The following CDK2AP1 variants were observed in gnomAD, a reference collection of about 807,000 sequenced individuals.
CDK2AP1 encodes the protein cyclin-dependent kinase 2-associated protein 1.
In CDK2AP1, 10 loss-of-function variants were observed where a neutral mutation model predicts 14.1. That is an observed-to-expected ratio of 0.71 (90% confidence interval 0.44 to 1.20). The LOEUF (loss-of-function observed/expected upper bound fraction) is 1.20. Among genes scored for constraint, CDK2AP1 ranks in the 50% most tolerant of loss-of-function variants. The pLI is 0.00. For synonymous variants in CDK2AP1, 59 were observed against 59.8 expected (o/e 0.99, Z 0.06); for missense variants, 102 against 149.9 (o/e 0.68, Z 1.67).
chr12:123,270,122 C>CA, intron 1 of CDK2AP1: 1 of 666,680 alleles, frequency 1.5e-6, no homozygotes, highest in Non-Finnish European at 1.9e-6. Context: ...AGGCTGGCAA[C>CA]ACCAGCCCCT....
At chr12:123,271,514 G>C in intron 1 of CDK2AP1, 50 bp downstream of exon 1, 1 of 977,888 alleles carries the variant, frequency 1.0e-6, no homozygotes, top group Non-Finnish European at 1.2e-6. Context: ...CCGGGCGCGC[G>C]GACCCCCAAC....
At chr12:123,264,131 C>A (rs1320064796) in intron 3 of CDK2AP1, among the ~76,000 whole-genome samples, 2 of 150,434 alleles carry the variant, frequency 1.3e-5, no homozygotes, top group African/African-American at 4.9e-5. Context: ...AAGAATGTTC[C>A]TCTCCCAGGT....
intron 3 of CDK2AP1, among the ~76,000 whole-genome samples, chr12:123,264,017 G>A (rs889946743): frequency 6.6e-6 from 1 of 151,912 alleles, no homozygotes; most frequent in African/African-American, 2.4e-5. Context: ...CTTGAGGCAG[G>A]AAAATTGTTT....
At position 123,265,145 on chromosome 12, in the gene CDK2AP1, G is replaced by A. The variant is rs1056804177; in HGVS notation, c.280+51C>T. ...CATTTTCCCCAAAAGTCTTTCCAGAGTTAAAGGTCTAGCACTGTGGTCACC... is the reference window on the plus strand; with the variant it reads ...CATTTTCCCCAAAAGTCTTTCCAGAATTAAAGGTCTAGCACTGTGGTCACC... On this transcript the variant is annotated intron_variant, in intron 3 of 3. Transcript: ENST00000261692. This position sits in a 1 kb window ranked among gnomAD's most constrained non-coding sequence, Gnocchi z 5.3. 8 of 1,610,158 alleles carry A rather than the reference G, an allele frequency of 5.0e-6. No individual in the cohort carries two copies. Among genetic ancestry groups the A allele is most frequent in the Non-Finnish European group, 6.8e-6 (8 of 1,177,536 alleles).
rs2048279227 is a variant in CDK2AP1, at chr12:123,265,369, G to A, written c.154-47C>T. 2 of 1,604,096 alleles carry A rather than the reference G, an allele frequency of 1.2e-6. No individual in the cohort carries two copies. Among genetic ancestry groups the A allele is most frequent in the South Asian group, 2.2e-5 (2 of 90,820 alleles). The stretch of plus-strand genomic sequence containing the variant: ...TTCAGCAAAATCAGCCGGGCGTGGT[G>A]GTGCGTGCCTGTAGTCCCAGTTACT... On this transcript the variant is annotated intron_variant, in intron 2 of 3. Transcript: ENST00000261692. This position sits in a 1 kb window ranked among gnomAD's most constrained non-coding sequence, Gnocchi z 5.3.
chr12:123,268,233 AC>A, intron 1 of CDK2AP1: 1 of 985,382 alleles, frequency 1.0e-6, no homozygotes, highest in Non-Finnish European at 1.2e-6. Context: ...TCTCACACAC[AC>A]AGTGGGCGCC....
chr12:123,265,340 T>C lies in CDK2AP1; in HGVS notation c.154-18A>G, dbSNP rs2048278842. The C allele has an allele frequency of 1.9e-6, 3 of 1,613,424 alleles. No homozygotes were observed. The highest frequency in any genetic ancestry group is 2.5e-6 in the Non-Finnish European group (3 of 1,179,746). On this transcript the variant is annotated intron_variant, in intron 2 of 3. Coordinates refer to ENST00000261692, the MANE Select transcript of CDK2AP1 (RefSeq NM_004642.4). The surrounding 1 kb of genome is among the most constrained non-coding windows in gnomAD (Gnocchi z 5.3). ...CCAGTTCCCTAGAATCAGAAAGAAA[T>C]GGGTTCAGCAAAATCAGCCGGGCGT...
At position 123,271,710 on chromosome 12, in the gene CDK2AP1, CGCGCCCGTCCGA is replaced by C. The variant is rs1285128406; in HGVS notation, c.-104_-93del. ...AGGCCGGGCGGTAGCGCTGCAGCCC[CGCGCCCGTCCGA>C]GCGCCCGCCGAGCGCCCGCGCACTT... On this transcript the variant is annotated 5_prime_UTR_variant, in exon 1 of 4. Transcript: ENST00000261692. 3 of 373,278 alleles carry C rather than the reference CGCGCCCGTCCGA, an allele frequency of 8.0e-6. No homozygotes were observed. The highest frequency in any genetic ancestry group is 6.7e-5 in the Admixed American group (1 of 14,946). The allele number at this position is 373,278 out of a possible 1,614,324, so 23.1% of individuals were successfully genotyped here. A position where few individuals can be genotyped will look rare whatever the true frequency, so the allele number is the denominator to read the frequency against.
At chr12:123,264,327 G>A (rs762157557) in intron 3 of CDK2AP1, among the ~76,000 whole-genome samples, 2 of 151,566 alleles carry the variant, frequency 1.3e-5, no homozygotes, top group Non-Finnish European at 2.9e-5. Context: ...AGGTGTGGTG[G>A]CACATGCCTG....
Position 123,265,406 on chromosome 12 carries a change from G to T in CDK2AP1, c.154-84C>A. 7.1e-7 allele frequency: 1 copy of T among 1,409,124 alleles called. No individual in the cohort carries two copies. Among genetic ancestry groups the T allele is most frequent in the Non-Finnish European group, 1.0e-6 (1 of 1,003,534 alleles). 87.3% of individuals were successfully genotyped at this position (1,409,124 alleles called of 1,614,324 possible). A position where few individuals can be genotyped will look rare whatever the true frequency, so the allele number is the denominator to read the frequency against. On this transcript the variant is annotated intron_variant, in intron 2 of 3. Coordinates refer to ENST00000261692, the MANE Select transcript of CDK2AP1 (RefSeq NM_004642.4). This position sits in a 1 kb window ranked among gnomAD's most constrained non-coding sequence, Gnocchi z 5.3. Reference sequence around the variant, plus strand: ...TAGTCCCAGTTACTCAGGAGGCTGAGGCAGGAGAACTGCTTGGACCCAGGA... The same window carrying T: ...TAGTCCCAGTTACTCAGGAGGCTGATGCAGGAGAACTGCTTGGACCCAGGA...
At position 123,261,555 on chromosome 12, in the gene CDK2AP1, C is replaced by A; in HGVS notation, c.*181G>T. On this transcript the variant is annotated 3_prime_UTR_variant, in exon 4 of 4. Coordinates refer to ENST00000261692, the MANE Select transcript of CDK2AP1 (RefSeq NM_004642.4). ...TTCCTAACTACTTAAAATGCAAATC[C>A]TAATTAACTGCAAAATCTTTTCTCA... is the stretch of plus-strand genomic sequence containing the variant. 5.6e-6 allele frequency: 3 copies of A among 532,580 alleles called. No individual in the cohort carries two copies. The highest frequency in any genetic ancestry group is 2.5e-5 in the South Asian group (1 of 39,448). The allele number at this position is 532,580 out of a possible 1,614,324, so 33.0% of individuals were successfully genotyped here.
At chr12:123,268,157 T>A in intron 1 of CDK2AP1, 1 of 976,600 alleles carries the variant, frequency 1.0e-6, no homozygotes, top group Non-Finnish European at 1.2e-6. Context: ...GCGGTAACCA[T>A]GGAGAATTTA....
chr12:123,267,340 G>T, intron 1 of CDK2AP1, 58 bp from the exon 2 acceptor site: 2 of 1,054,130 alleles, frequency 1.9e-6, no homozygotes, highest in Non-Finnish European at 3.0e-6. Flanking sequence ...CCAAGGCAAG[G>T]ACTCCGGGTC....
intron 1 of CDK2AP1, among the ~76,000 whole-genome samples, chr12:123,270,408 G>T (rs929867416): frequency 1.3e-5 from 2 of 151,962 alleles, no homozygotes; most frequent in Non-Finnish European, 1.5e-5. Context: ...GGGTTACGAG[G>T]TCAACGTTTG....
Position 123,265,380 on chromosome 12 carries a change from G to T in CDK2AP1, c.154-58C>A. Reference sequence around the variant, plus strand: ...CAGCCGGGCGTGGTGGTGCGTGCCTGTAGTCCCAGTTACTCAGGAGGCTGA... The same window carrying T: ...CAGCCGGGCGTGGTGGTGCGTGCCTTTAGTCCCAGTTACTCAGGAGGCTGA... On this transcript the variant is annotated intron_variant, in intron 2 of 3. Coordinates refer to ENST00000261692, the MANE Select transcript of CDK2AP1 (RefSeq NM_004642.4). The surrounding 1 kb of genome is among the most constrained non-coding windows in gnomAD (Gnocchi z 5.3). 6.4e-7 allele frequency: 1 copy of T among 1,567,086 alleles called. No individual in the cohort carries two copies. Among genetic ancestry groups the T allele is most frequent in the South Asian group, 1.1e-5 (1 of 89,800 alleles).
At chr12:123,268,271 C>A (rs1438550814) in intron 1 of CDK2AP1, 2 of 984,104 alleles carry the variant, frequency 2.0e-6, no homozygotes, top group Non-Finnish European at 2.4e-6. Context: ...GGACAGACAG[C>A]TGGTGCCAGG....
At position 123,268,105 on chromosome 12, in the gene CDK2AP1, T is replaced by C. The variant is rs529976252; in HGVS notation, c.56-823A>G. 9 of 814,948 alleles carry C rather than the reference T, an allele frequency of 1.1e-5. No individual in the cohort carries two copies. In the South Asian group the frequency reaches 3.9e-4, roughly 35 times the overall value. 50.5% of individuals were successfully genotyped at this position (814,948 alleles called of 1,614,324 possible). A position where few individuals can be genotyped will look rare whatever the true frequency, so the allele number is the denominator to read the frequency against. ...ACGCGGCCCCGCAATGGCGTCCCAG[T>C]GGCCATTAGCGGGTAAAGGATATCC... On this transcript the variant is annotated intron_variant, in intron 1 of 3. Transcript: ENST00000261692.
intron 3 of CDK2AP1, among the ~76,000 whole-genome samples, chr12:123,263,803 C>G (rs1378026243): frequency 6.6e-6 from 1 of 152,224 alleles, no homozygotes; most frequent in East Asian, 1.9e-4. Context: ...GATTTACAAC[C>G]AAAGAAAGTT....
intron 1 of CDK2AP1, among the ~76,000 whole-genome samples, chr12:123,268,454 AGAG>A (rs1566005319): frequency 1.3e-5 from 2 of 152,262 alleles, no homozygotes; most frequent in Non-Finnish European, 2.9e-5. Context: ...CACACAGCAT[AGAG>A]GAGACCAAAG....
Sources: allele counts gnomAD v4.1 joint callset (sites outside exome capture counted in the v4.1 genomes callset), GRCh38; gene constraint gnomAD v4.1.1; non-coding constraint Gnocchi (gnomAD v3.1); transcripts MANE v1.5; gene names NCBI Gene and HGNC (gene_info 2026-07-23, HGNC 2026-07-21).